Variants in GPHN observed in about 807,000 individuals in gnomAD.
The protein encoded by GPHN is gephyrin.
A neutral mutation model predicts 95.5 loss-of-function variants in GPHN; 17 were observed. The ratio of observed to expected loss-of-function variants is 0.18; its 90% CI spans 0.12 to 0.27. GPHN has a LOEUF of 0.27. GPHN is among the 10% of genes least tolerant of loss of function. The probability of loss-of-function intolerance (pLI) is 1.00; values close to 1 mark genes in which losing one functional copy is unlikely to be tolerated. For missense variants in GPHN, 660 were observed against 978.1 expected (o/e 0.67, Z 4.34); for synonymous variants, 320 against 322.5 (o/e 0.99, Z 0.08).
At chr14:67,236,218 C>A in the GPHN span, among the ~76,000 whole-genome samples, 1 of 152,082 alleles carries the variant, frequency 6.6e-6, no homozygotes, top group South Asian at 2.1e-4. Flanking sequence ...ATCCTTTGAC[C>A]AACATCTCCC....
the GPHN span, among the ~76,000 whole-genome samples, chr14:67,457,597 C>A: frequency 2.0e-5 from 3 of 152,166 alleles, no homozygotes; most frequent in Non-Finnish European, 2.9e-5. Context: ...CAGAGAGAGA[C>A]TTTGTCTGTA....
chr14:67,324,797 T>C, the GPHN span, among the ~76,000 whole-genome samples: 1 of 151,694 alleles, frequency 6.6e-6, no homozygotes, highest in Admixed American at 6.6e-5. Flanking sequence ...TGTTGCCAGG[T>C]TGGTATTGAA....
chr14:67,650,288 G>A, the GPHN span: 1 of 228,902 alleles, frequency 4.4e-6, no homozygotes, highest in Non-Finnish European at 8.7e-6. Flanking sequence ...TTTGGCTAGT[G>A]CAAGTGGCAG....
the GPHN span, chr14:67,473,129 A>G: frequency 2.3e-6 from 1 of 426,652 alleles, no homozygotes; most frequent in Non-Finnish European, 4.3e-6. The surrounding 1 kb of genome is among the most constrained non-coding windows in gnomAD (Gnocchi z 6.5). Context: ...AGTCAACTAC[A>G]TAGTCCATCG....
intron 8 of GPHN, among the ~76,000 whole-genome samples, chr14:66,929,177 T>A (rs1185375636): frequency 6.6e-6 from 1 of 151,846 alleles, no homozygotes; most frequent in Non-Finnish European, 1.5e-5. Context: ...TGCTTCAGCT[T>A]CCCGAGTAGC....
chr14:66,553,653 T>G (rs1451782607), intron 1 of GPHN, among the ~76,000 whole-genome samples: 1 of 152,184 alleles, frequency 6.6e-6, no homozygotes, highest in Non-Finnish European at 1.5e-5. Flanking sequence ...CTCTGTTCAC[T>G]GCAACTTCTG....
the GPHN span, among the ~76,000 whole-genome samples, chr14:67,703,510 T>C: frequency 6.6e-6 from 1 of 152,266 alleles, no homozygotes; most frequent in South Asian, 2.1e-4. Flanking sequence ...AGTTTCAAAG[T>C]AGGCAGAAAA....
chr14:67,185,650 A>G (rs1010557373), downstream of GPHN, among the ~76,000 whole-genome samples: 2 of 152,228 alleles, frequency 1.3e-5, no homozygotes, highest in Non-Finnish European at 2.9e-5. Context: ...GTTTCAAATC[A>G]TATCAGAATG....
At chr14:67,453,132 G>A in the GPHN span, among the ~76,000 whole-genome samples, 2 of 152,248 alleles carry the variant, frequency 1.3e-5, no homozygotes, top group African/African-American at 4.8e-5. Context: ...AGCTGAGCCT[G>A]TGCCAGATGT....
chr14:67,622,137 C>A, the GPHN span, among the ~76,000 whole-genome samples: 1 of 152,062 alleles, frequency 6.6e-6, no homozygotes, highest in African/African-American at 2.4e-5. Context: ...TTCTTTATAT[C>A]CAATCTAAAT....
the GPHN span, chr14:67,374,764 G>T: frequency 2.7e-6 from 1 of 369,378 alleles, no homozygotes; most frequent in Non-Finnish European, 4.9e-6. Flanking sequence ...CATAAAATAC[G>T]GGGTTTTTTT....
chr14:67,487,889 G>A, the GPHN span, among the ~76,000 whole-genome samples: 1 of 152,134 alleles, frequency 6.6e-6, no homozygotes, highest in African/African-American at 2.4e-5. Flanking sequence ...CTCCCAAAGT[G>A]CTAGGATTAT....
chr14:66,718,316 G>A (rs565097743), intron 2 of GPHN, among the ~76,000 whole-genome samples: 3 of 152,280 alleles, frequency 2.0e-5, no homozygotes, highest in Admixed American at 1.3e-4. Flanking sequence ...CCTTTGTAGT[G>A]AGTGTTACAG....
intron 1 of GPHN, among the ~76,000 whole-genome samples, chr14:66,662,081 C>T (rs187027774): frequency 1.1e-4 from 16 of 152,184 alleles, no homozygotes; most frequent in African/African-American, 2.7e-4. Flanking sequence ...CAGCAACTTC[C>T]GTAGTTTACA....
chr14:66,570,044 G>GT (rs763119736), intron 1 of GPHN, among the ~76,000 whole-genome samples: 103 of 80,902 alleles, frequency 1.3e-3, no homozygotes, highest in Admixed American at 2.9e-3. Context: ...TATTCTATTT[G>GT]TTTTTTTGTG....
At chr14:66,760,164 C>T (rs2058708201) in intron 2 of GPHN, among the ~76,000 whole-genome samples, 1 of 152,112 alleles carries the variant, frequency 6.6e-6, no homozygotes, top group Non-Finnish European at 1.5e-5. Flanking sequence ...AATACAATTA[C>T]TATATGTGTT....
Position 66,752,580 on chromosome 14 carries a change from C to T in GPHN, c.144-23884C>T, listed in dbSNP as rs536251242. Among the ~76,000 whole-genome samples, 8 of 152,076 alleles carry T rather than the reference C, an allele frequency of 5.3e-5. No individual in the cohort carries two copies. The South Asian group carries it at 1.7e-3, about 32-fold the overall frequency. ...TTAAGTCCCCTGTCTTATATGGGCTCAATTGATGTTGACTCCAAACAATTA... is the reference window on the plus strand; with the variant it reads ...TTAAGTCCCCTGTCTTATATGGGCTTAATTGATGTTGACTCCAAACAATTA... On this transcript the variant is annotated intron_variant, in intron 2 of 22. Transcript: ENST00000478722.
At chr14:66,913,094 T>C (rs1286162238) in intron 5 of GPHN, among the ~76,000 whole-genome samples, 5 of 152,120 alleles carry the variant, frequency 3.3e-5, no homozygotes, top group Admixed American at 1.3e-4. Context: ...ATTTTGCCTT[T>C]CCAACAAATT....
intron 3 of GPHN, among the ~76,000 whole-genome samples, chr14:66,813,868 T>C (rs559838302): frequency 3.5e-4 from 54 of 152,268 alleles, no homozygotes; most frequent in Admixed American, 3.5e-3. Context: ...AGGGCAGTCT[T>C]GAGGTCCCTG....
Sources: gnomAD v4.1 joint callset for allele counts (sites outside exome capture counted in the v4.1 genomes callset) on GRCh38, gnomAD v4.1.1 for gene constraint, Gnocchi (gnomAD v3.1) non-coding constraint, MANE v1.5 for transcripts, NCBI Gene and HGNC (gene_info 2026-07-23, HGNC 2026-07-21) for gene names.